CELF1: variants seen among roughly 807,000 people sequenced by gnomAD.
CELF1 encodes 50 kDa nuclear polyadenylated RNA-binding protein.
A neutral mutation model predicts 61.8 loss-of-function variants in CELF1; 10 were observed. The observed-to-expected ratio is 0.16, with a 90% confidence interval of 0.10 to 0.27. The LOEUF is 0.27. Among genes scored for constraint, CELF1 ranks in the 10% least tolerant of loss-of-function variants. The pLI, the probability that CELF1 is intolerant of heterozygous loss-of-function variation, is 1.00. For synonymous variants in CELF1, 236 were observed against 225.1 expected, an observed-to-expected ratio of 1.05 and a Z score of -0.43; for missense variants, 380 against 639.1, an observed-to-expected ratio of 0.59 and a Z score of 4.37.
chr11:47,486,910 T>C lies in CELF1; in HGVS notation c.343-112A>G, dbSNP rs57572703. 0.011 allele frequency: 9,835 copies of C among 867,994 alleles called. 669 individuals carry two copies. The African/African-American group carries it at 0.15, about 13-fold the overall frequency. 53.8% of individuals were successfully genotyped at this position (867,994 alleles called of 1,614,324 possible). On this transcript the variant is annotated intron_variant, in intron 5 of 14. Coordinates refer to ENST00000687097, the MANE Select transcript of CELF1 (RefSeq NM_001376376.1). Reference sequence around the variant, plus strand: ...CTTTAAAGAGTTCTCTCTGAACTCATGTCTGCTTCATGATCTTTCCCCAGA... The same window carrying C: ...CTTTAAAGAGTTCTCTCTGAACTCACGTCTGCTTCATGATCTTTCCCCAGA...
upstream of CELF1, among the ~76,000 whole-genome samples, chr11:47,554,209 A>G (rs1309564823): frequency 1.3e-5 from 2 of 152,052 alleles, no homozygotes; most frequent in Non-Finnish European, 2.9e-5. Flanking sequence ...AACTAACCAG[A>G]GTTTTTCTGG....
chr11:47,496,020 T>TC, intron 3 of CELF1: 1 of 985,124 alleles, frequency 1.0e-6, no homozygotes, highest in African/African-American at 1.7e-5. Flanking sequence ...TTATACAAGG[T>TC]CCCTCTGGCT....
At position 47,550,064 on chromosome 11, in the gene CELF1, C is replaced by G. The variant is rs139617411; in HGVS notation, c.-154+2928G>C. ...ACTCCTGACCTCGTGATCCGCCCAC[C>G]TCAGCCTCCCAAAGTGCTGGGATTA... On this transcript the variant is annotated intron_variant, in intron 1 of 14. Transcript: ENST00000687097. Among the ~76,000 whole-genome samples, 256 of 152,090 alleles carry G rather than the reference C, an allele frequency of 1.7e-3. 1 individual carries two copies. The highest frequency in any genetic ancestry group is 2.7e-3 in the Non-Finnish European group (181 of 67,986).
intron 1 of CELF1, among the ~76,000 whole-genome samples, chr11:47,516,900 G>A (rs2095585680): frequency 6.6e-6 from 1 of 152,068 alleles, no homozygotes; most frequent in Admixed American, 6.6e-5. Flanking sequence ...ACCACGCCCA[G>A]CTCACTAGTA....
In CELF1 at chr11:47,477,249, C is replaced by A. The variant is rs181819458; in HGVS notation, c.973+48G>T. On this transcript the variant is annotated intron_variant, in intron 11 of 14. Transcript: ENST00000687097. ...CTGGACTCTGCCTTTAAACACAAAG[C>A]ATCTGTCCAAGGCACATAATGGCAC... is the stretch of plus-strand genomic sequence containing the variant. 923 of 1,602,356 alleles carry A rather than the reference C, an allele frequency of 5.8e-4. 3 individuals carry two copies. In the African/African-American group the frequency reaches 9.4e-3, roughly 16 times the overall value.
At chr11:47,486,636 G>T in intron 6 of CELF1, 114 bp downstream of exon 6, 2 of 802,190 alleles carry the variant, frequency 2.5e-6, no homozygotes, top group Admixed American at 1.9e-5. Context: ...CTCGAACTCC[G>T]GCCTCAAGCA....
intron 1 of CELF1, among the ~76,000 whole-genome samples, chr11:47,541,589 C>G (rs994582573): frequency 2.0e-5 from 3 of 151,170 alleles, no homozygotes; most frequent in African/African-American, 7.3e-5. Context: ...ACTTGGGAGG[C>G]TGAGGCAGGA....
intron 1 of CELF1, chr11:47,513,903 TACAA>T (rs1046091454): frequency 1.3e-5 from 2 of 149,666 alleles, no homozygotes; most frequent in Non-Finnish European, 2.9e-5. Context: ...CAATAAAATG[TACAA>T]ACACTCAAAT....
intron 1 of CELF1, among the ~76,000 whole-genome samples, chr11:47,546,632 A>T (rs1465695162): frequency 6.6e-6 from 1 of 152,196 alleles, no homozygotes; most frequent in Non-Finnish European, 1.5e-5. Flanking sequence ...ACAGATTTAC[A>T]AATTTATCTG....
At chr11:47,480,639 T>C (rs1596283561) in intron 9 of CELF1, among the ~76,000 whole-genome samples, 2 of 152,334 alleles carry the variant, frequency 1.3e-5, no homozygotes, top group Non-Finnish European at 1.5e-5. Flanking sequence ...ATGCATAGCA[T>C]GTAGACCATT....
intron 1 of CELF1, among the ~76,000 whole-genome samples, chr11:47,544,731 G>A (rs532094813): frequency 1.3e-5 from 2 of 152,200 alleles, no homozygotes; most frequent in South Asian, 4.1e-4. Context: ...GGGAGGCTGA[G>A]GCGGGCAGTT....
At chr11:47,485,105 T>C (rs2085919579) in intron 6 of CELF1, among the ~76,000 whole-genome samples, 1 of 152,256 alleles carries the variant, frequency 6.6e-6, no homozygotes, top group Admixed American at 6.5e-5. Flanking sequence ...ATCTAACTAA[T>C]AGGAATAATC....
At position 47,472,171 on chromosome 11, in the gene CELF1, G is replaced by A; in HGVS notation, c.*59C>T. ...AGCCTCAGGGCTTCGAATCATTAAG[G>A]GTGCTCCTCCCCCACTTACCAGAAG... On this transcript the variant is annotated 3_prime_UTR_variant, in exon 15 of 15. Transcript: ENST00000687097. 1 of 1,597,398 alleles carries A rather than the reference G, an allele frequency of 6.3e-7. No individual in the cohort carries two copies. The highest frequency in any genetic ancestry group is 8.6e-7 in the Non-Finnish European group (1 of 1,168,326).
chr11:47,538,017 A>T (rs540133637), intron 1 of CELF1, among the ~76,000 whole-genome samples: 1 of 151,224 alleles, frequency 6.6e-6, no homozygotes, highest in African/African-American at 2.4e-5. Flanking sequence ...GGGCTCAAGG[A>T]GTTGAGTCCT....
intron 1 of CELF1, among the ~76,000 whole-genome samples, chr11:47,507,266 C>G (rs1827166201): frequency 6.6e-6 from 1 of 152,200 alleles, no homozygotes; most frequent in Non-Finnish European, 1.5e-5. Flanking sequence ...GGATTGGAGA[C>G]TAAGAAAAGC....
chr11:47,528,281 G>A (rs1598035295), intron 1 of CELF1, among the ~76,000 whole-genome samples: 1 of 151,822 alleles, frequency 6.6e-6, no homozygotes, highest in Non-Finnish European at 1.5e-5. Flanking sequence ...ACTAGATCGG[G>A]GTCCATATGT....
intron 6 of CELF1, among the ~76,000 whole-genome samples, chr11:47,485,133 T>C (rs1391160508): frequency 6.6e-6 from 1 of 152,252 alleles, no homozygotes; most frequent in Non-Finnish European, 1.5e-5. Context: ...CTTCAAAGGG[T>C]AGCAGTTGCT....
Position 47,475,340 on chromosome 11 carries a change from C to G in CELF1, c.1269G>C (p.Lys423Asn). Residue 423 changes from lysine to asparagine, a missense_variant, in exon 13 of 15, where the codon AAG (lysine) becomes AAC (asparagine). By Grantham distance (94) the Lys-to-Asn change is moderately conservative. Transcript: ENST00000687097. ...CCGATCTCCCTTTGCACTCACCTTC[C>G]TTCTGGCTTCCAGCAGCACCAATAC... ...QQSIGAAGSQ[K>N]EGPEGANLFI... is the part of the protein sequence containing the mutation. 6.2e-7 allele frequency: 1 copy of G among 1,613,594 alleles called. No individual in the cohort carries two copies. The highest frequency in any genetic ancestry group is 8.5e-7 in the Non-Finnish European group (1 of 1,180,014).
chr11:47,484,769 C>T (rs1313435120), intron 6 of CELF1, among the ~76,000 whole-genome samples: 1 of 152,202 alleles, frequency 6.6e-6, no homozygotes, highest in Non-Finnish European at 1.5e-5. Flanking sequence ...AGCTCCGCCT[C>T]CCGGATTCAA....
Sources: allele counts gnomAD v4.1 joint callset (sites outside exome capture counted in the v4.1 genomes callset), GRCh38; gene constraint gnomAD v4.1.1; transcripts MANE v1.5; gene names NCBI Gene and HGNC (gene_info 2026-07-23, HGNC 2026-07-21).